The following PLXDC1 variants were observed in gnomAD, a reference collection of about 807,000 sequenced individuals.
PLXDC1 encodes plexin domain-containing protein 1.
Under a neutral mutation model 61.3 loss-of-function variants are expected in PLXDC1, and 39 were observed. The ratio of observed to expected loss-of-function variants is 0.64; its 90% CI spans 0.49 to 0.83. The LOEUF is 0.83. PLXDC1 is among the 40% of genes least tolerant of loss of function. The probability of loss-of-function intolerance (pLI) is 0.00; values close to 1 mark genes in which losing one functional copy is unlikely to be tolerated. For synonymous variants in PLXDC1, 212 were observed against 254.5 expected (o/e 0.83, Z 1.59); for missense variants, 596 against 666.5 (o/e 0.89, Z 1.17).
At chr17:39,150,943 CG>C (rs1682932978) in intron 1 of PLXDC1, among the ~76,000 whole-genome samples, 1 of 152,118 alleles carries the variant, frequency 6.6e-6, no homozygotes, top group African/African-American at 2.4e-5. Context: ...GCTTTGGGGT[CG>C]GGGGTGTGGC....
chr17:39,121,324 A>G (rs1445459443), intron 2 of PLXDC1, among the ~76,000 whole-genome samples: 1 of 146,992 alleles, frequency 6.8e-6, no homozygotes, highest in Non-Finnish European at 1.5e-5. Context: ...TGCTTCCCTA[A>G]AATGTATAAA....
intron 7 of PLXDC1, chr17:39,096,739 A>G: frequency 2.8e-6 from 1 of 360,358 alleles, no homozygotes; most frequent in South Asian, 2.1e-5. Flanking sequence ...CCACTAATTC[A>G]GAATCCCTGT....
intron 2 of PLXDC1, among the ~76,000 whole-genome samples, chr17:39,116,025 T>C (rs1449465168): frequency 6.6e-6 from 1 of 152,148 alleles, no homozygotes; most frequent in Non-Finnish European, 1.5e-5. Flanking sequence ...TGAGGCAGTA[T>C]ATTCAATTGC....
chr17:39,067,891 C>T lies in PLXDC1; in HGVS notation c.1452G>A (p.Val484=), dbSNP rs1908955355. 1.2e-6 allele frequency: 2 copies of T among 1,613,872 alleles called. No homozygotes were observed. The highest frequency in any genetic ancestry group is 2.2e-5 in the East Asian group (1 of 44,894). Residue 484 remains valine (V), a synonymous_variant, in exon 14 of 14, where the codon GTG becomes GTA. Transcript: ENST00000315392. ...SHPDHSTYAE[V]EPSGHEKEGF... ...CCTCCTTCTCATGGCCCGAGGGCTC[C>T]ACCTCCGCATAGGTGGAATGGTCAG...
chr17:39,145,026 C>T (rs1912051781), intron 1 of PLXDC1, among the ~76,000 whole-genome samples: 1 of 152,198 alleles, frequency 6.6e-6, no homozygotes, highest in African/African-American at 2.4e-5. Flanking sequence ...GTTAAGGAAC[C>T]TCCCAAGGTC....
chr17:39,069,736 A>G, intron 13 of PLXDC1, 120 bp downstream of exon 13: 1 of 754,222 alleles, frequency 1.3e-6, no homozygotes, highest in Non-Finnish European at 2.2e-6. Flanking sequence ...GATGGGGTGG[A>G]TGAAGTTTTC....
intron 2 of PLXDC1, chr17:39,112,915 G>C (rs540167441): frequency 1.3e-5 from 2 of 152,046 alleles, no homozygotes; most frequent in East Asian, 1.9e-4. Context: ...TTTGCATGCT[G>C]TAGTGAGTTT....
intron 2 of PLXDC1, among the ~76,000 whole-genome samples, chr17:39,129,548 C>T (rs562180128): frequency 7.7e-4 from 116 of 150,608 alleles, no homozygotes; most frequent in African/African-American, 2.6e-3. Context: ...ACCCGGGAGG[C>T]GGAGGTTGCA....
intron 7 of PLXDC1, among the ~76,000 whole-genome samples, chr17:39,088,809 T>C (rs567492783): frequency 8.6e-5 from 13 of 151,302 alleles, no homozygotes; most frequent in African/African-American, 2.4e-4. Flanking sequence ...ATTAGCTGGG[T>C]GTGGTGGTAC....
At chr17:39,131,441 C>T (rs1911559372) in intron 2 of PLXDC1, among the ~76,000 whole-genome samples, 1 of 152,038 alleles carries the variant, frequency 6.6e-6, no homozygotes, top group Admixed American at 6.6e-5. Context: ...GCAACCTCCA[C>T]CTCCAGGTTC....
upstream of PLXDC1, chr17:39,152,515 A>C (rs1385206458): frequency 2.5e-5 from 31 of 1,236,518 alleles, no homozygotes; most frequent in Non-Finnish European, 2.9e-5. Context: ...AGGTCAGGAC[A>C]CGAAGATGCC....
At chr17:39,099,889 C>G (rs1910361017) in intron 7 of PLXDC1, among the ~76,000 whole-genome samples, 1 of 152,024 alleles carries the variant, frequency 6.6e-6, no homozygotes. Flanking sequence ...GTATCCACAC[C>G]CAGGTGCAAT....
chr17:39,096,600 G>A lies in PLXDC1; in HGVS notation c.812-8898C>T, dbSNP rs75120705. ...ATATATCTGGACTCAAGTCTGCCTCGGAAAGGACAGGAAAGTTCCGGTAAA... is the reference window on the plus strand; with the variant it reads ...ATATATCTGGACTCAAGTCTGCCTCAGAAAGGACAGGAAAGTTCCGGTAAA... On this transcript the variant is annotated intron_variant, in intron 7 of 13. Coordinates refer to ENST00000315392, the MANE Select transcript of PLXDC1 (RefSeq NM_020405.5). 5.6e-3 allele frequency among the ~76,000 whole-genome samples: 859 copies of A among 152,240 alleles called. 52 individuals carry two copies. The East Asian group carries it at 0.13, about 23-fold the overall frequency.
chr17:39,067,743 G>T lies in PLXDC1; in HGVS notation c.*97C>A. ...TAAACCACCATCTCATCTCAGCCCAGGGCATGCTGGGAGAGGCCAGGAAAA... is the reference window on the plus strand; with the variant it reads ...TAAACCACCATCTCATCTCAGCCCATGGCATGCTGGGAGAGGCCAGGAAAA... On this transcript the variant is annotated 3_prime_UTR_variant, in exon 14 of 14. Transcript: ENST00000315392. 8.3e-7 allele frequency: 1 copy of T among 1,202,458 alleles called. No individual in the cohort carries two copies. Among genetic ancestry groups the T allele is most frequent in the Non-Finnish European group, 1.2e-6 (1 of 840,092 alleles). 74.5% of individuals were successfully genotyped at this position (1,202,458 alleles called of 1,614,324 possible).
At position 39,069,976 on chromosome 17, in the gene PLXDC1, A is replaced by G. The variant is rs983369920; in HGVS notation, c.1263T>C (p.Pro421=). The G allele has an allele frequency of 1.9e-6, 3 of 1,613,908 alleles. No homozygotes were observed. Among genetic ancestry groups the G allele is most frequent in the Middle Eastern group, 1.6e-4 (1 of 6,062 alleles). The change falls in exon 13 of 14, where the codon CCT becomes CCC. Residue 421 remains proline, a synonymous_variant. Transcript: ENST00000315392. ...NNLSPKTKGT[P]VHLGTIVGIV... is the part of the protein sequence containing the mutation. ...TGCCCACGATGGTGCCCAGGTGCAC[A>G]GGAGTGCCCTTTGTCTTGGGGGACA...
At chr17:39,099,047 G>A (rs1013549540) in intron 7 of PLXDC1, among the ~76,000 whole-genome samples, 2 of 152,008 alleles carry the variant, frequency 1.3e-5, no homozygotes, top group African/African-American at 2.4e-5. Context: ...GAAGGAGGAC[G>A]AGGCTGGGAG....
At chr17:39,105,003 T>G (rs1047169779) in intron 7 of PLXDC1, among the ~76,000 whole-genome samples, 5 of 152,172 alleles carry the variant, frequency 3.3e-5, no homozygotes, top group African/African-American at 4.8e-5. Context: ...GGAAGGTGAC[T>G]TGGGGGCTCC....
intron 2 of PLXDC1, among the ~76,000 whole-genome samples, chr17:39,112,576 G>C (rs1397806615): frequency 2.0e-5 from 3 of 148,562 alleles, no homozygotes; most frequent in Non-Finnish European, 3.0e-5. Flanking sequence ...TTATGCCTCA[G>C]CCTCCCAAGT....
intron 2 of PLXDC1, among the ~76,000 whole-genome samples, chr17:39,127,540 C>T (rs562073): frequency 0.63 from 95,941 of 151,886 alleles, 30,680 homozygotes; most frequent in East Asian, 0.76. Flanking sequence ...CTAAGAAACT[C>T]GCCCAAGACA....
Sources: gnomAD v4.1 joint callset for allele counts (sites outside exome capture counted in the v4.1 genomes callset) on GRCh38, gnomAD v4.1.1 for gene constraint, MANE v1.5 for transcripts, NCBI Gene and HGNC (gene_info 2026-07-23, HGNC 2026-07-21) for gene names.